Variants in FAT1 observed in about 807,000 individuals in gnomAD.
FAT1 encodes the protein FAT atypical cadherin 1.
Under a neutral mutation model 329.8 loss-of-function variants are expected in FAT1, and 171 were observed. The observed-to-expected ratio is 0.52, with a 90% CI of 0.46 to 0.59. The LOEUF (loss-of-function observed/expected upper bound fraction) is 0.59. FAT1 is among the 20% of genes least tolerant of loss of function. FAT1 has a pLI of 0.00. For synonymous variants in FAT1, 2,233 were observed against 2,228.6 expected, an observed-to-expected ratio of 1.00 and a Z score of -0.06; for missense variants, 5,672 against 5,774.4, an observed-to-expected ratio of 0.98 and a Z score of 0.57.
At chr4:186,597,428 C>G (rs947869673) in intron 24 of FAT1, among the ~76,000 whole-genome samples, 3 of 152,002 alleles carry the variant, frequency 2.0e-5, no homozygotes, top group African/African-American at 7.2e-5. Flanking sequence ...TGGCCATTTT[C>G]CTAGGATCAA....
At chr4:186,657,949 T>G (rs907027652) in intron 3 of FAT1, among the ~76,000 whole-genome samples, 1 of 152,200 alleles carries the variant, frequency 6.6e-6, no homozygotes, top group Non-Finnish European at 1.5e-5. Flanking sequence ...TGTTTGGGAC[T>G]CCCTTTCTTC....
Position 186,611,427 on chromosome 4 carries a change from CTTA to C in FAT1, c.9809_9811del (p.Ile3270del). ...GCTGAATTTCCCATGTTCATTTCCA[CTTA>C]TTATTGAGTAGGTGATTTCTGCATT... On this transcript the variant is annotated inframe_deletion, in exon 14 of 27. Transcript: ENST00000441802. 1 of 1,613,732 alleles carries C rather than the reference CTTA, an allele frequency of 6.2e-7. No individual in the cohort carries two copies. The highest frequency in any genetic ancestry group is 1.3e-5 in the African/African-American group (1 of 75,040).
chr4:186,663,162 G>T, intron 3 of FAT1, 137 bp downstream of exon 3: 1 of 777,132 alleles, frequency 1.3e-6, no homozygotes, highest in Non-Finnish European at 2.0e-6. Flanking sequence ...CAAAATAAAG[G>T]CTTATTTTGA....
chr4:186,605,285 T>C (rs1399544752), intron 17 of FAT1, among the ~76,000 whole-genome samples: 1 of 63,130 alleles, frequency 1.6e-5, no homozygotes, highest in Admixed American at 1.6e-4. Context: ...AGAGAAGAGG[T>C]TGACAAGAGG....
intron 11 of FAT1, among the ~76,000 whole-genome samples, chr4:186,616,191 ACTCGT>A (rs1739701695): frequency 6.6e-6 from 1 of 151,506 alleles, no homozygotes; most frequent in Non-Finnish European, 1.5e-5. Flanking sequence ...AAGCTTAAGA[ACTCGT>A]CTCATGTCAT....
Position 186,707,812 on chromosome 4 carries a change from C to T in FAT1, c.2016G>A (p.Leu672=), listed in dbSNP as rs1352963831. The T allele has an allele frequency of 1.2e-6, 2 of 1,613,702 alleles. No homozygotes were observed. The highest frequency in any genetic ancestry group is 1.7e-6 in the Non-Finnish European group (2 of 1,179,890). ...TGGCAACACCAGTCTCTTCACACTGCAAGTTTACCAGCTTGTGACTGGCAG... is the reference window on the plus strand; with the variant it reads ...TGGCAACACCAGTCTCTTCACACTGTAAGTTTACCAGCTTGTGACTGGCAG... ...TVAASHKLVN[L]QCEETGVAKM... is the part of the protein sequence containing the mutation. The change falls in exon 2 of 27, where the codon TTG becomes TTA. Residue 672 remains leucine, a synonymous_variant. Coordinates refer to ENST00000441802, the MANE Select transcript of FAT1 (RefSeq NM_005245.4).
intron 22 of FAT1, 100 bp downstream of exon 22, chr4:186,599,798 T>A (rs1302771731): frequency 1.1e-6 from 1 of 924,698 alleles, no homozygotes; most frequent in African/African-American, 1.7e-5. Context: ...GACAAAATTA[T>A]CTGAATCAAA....
Position 186,706,588 on chromosome 4 carries a change from A to G in FAT1, c.3240T>C (p.Gly1080=). Residue 1080 remains glycine, a synonymous_variant, in exon 2 of 27, where the codon GGT becomes GGC. Transcript: ENST00000441802. ...RYSIRDGSGV[G]VFKIGEETGV... The stretch of plus-strand genomic sequence containing the variant: ...CTGTCTCTTCACCTATTTTGAAAAC[A>G]CCAACGCCAGAGCCATCTCTAATGG... 1.2e-6 allele frequency: 2 copies of G among 1,610,764 alleles called. No individual in the cohort carries two copies. The highest frequency in any genetic ancestry group is 1.1e-5 in the South Asian group (1 of 90,960).
At position 186,618,306 on chromosome 4, in the gene FAT1, C is replaced by T. The variant is rs772858156; in HGVS notation, c.8280G>A (p.Leu2760=). 2.2e-5 allele frequency: 35 copies of T among 1,614,064 alleles called. No individual in the cohort carries two copies. The South Asian group carries it at 3.3e-4, about 15-fold the overall frequency. The change falls in exon 10 of 27, where the codon CTG becomes CTA. Residue 2760 remains leucine (L), a synonymous_variant. Coordinates refer to ENST00000441802, the MANE Select transcript of FAT1 (RefSeq NM_005245.4). ...SFVIDRQSGR[L]KLEKSLDHET... is the part of the protein sequence containing the mutation. ...CATGATCAAGACTCTTCTCCAACTT[C>T]AGTCTCCCGCTCTGTCTGTCAATCA...
intron 26 of FAT1, among the ~76,000 whole-genome samples, chr4:186,591,439 T>C (rs1396018292): frequency 1.3e-5 from 2 of 152,228 alleles, no homozygotes; most frequent in Non-Finnish European, 2.9e-5. Flanking sequence ...CATTTTTAAG[T>C]CTAGTAACAA....
intron 9 of FAT1, among the ~76,000 whole-genome samples, chr4:186,627,206 G>C (rs1283009263): frequency 9.2e-6 from 1 of 108,896 alleles, no homozygotes; most frequent in Non-Finnish European, 1.9e-5. Flanking sequence ...CATGGCACCT[G>C]GCACATAAAG....
chr4:186,629,602 C>T (rs1227280692), intron 7 of FAT1, among the ~76,000 whole-genome samples: 3 of 152,162 alleles, frequency 2.0e-5, no homozygotes, highest in African/African-American at 7.2e-5. Flanking sequence ...TTCGTGGGGG[C>T]ATATGGAACA....
At chr4:186,693,826 A>G (rs2126664053) in intron 2 of FAT1, among the ~76,000 whole-genome samples, 1 of 152,284 alleles carries the variant, frequency 6.6e-6, no homozygotes, top group East Asian at 1.9e-4. Context: ...TCAGCTCTGG[A>G]TTTGCCTACA....
intron 4 of FAT1, among the ~76,000 whole-genome samples, chr4:186,637,269 T>A (rs574051999): frequency 6.6e-6 from 1 of 152,238 alleles, no homozygotes; most frequent in East Asian, 1.9e-4. Context: ...ATGGAAGAGA[T>A]ACGTGAAGAT....
At chr4:186,595,089 G>A (rs1738436030) in intron 26 of FAT1, among the ~76,000 whole-genome samples, 2 of 152,052 alleles carry the variant, frequency 1.3e-5, no homozygotes, top group Admixed American at 1.3e-4. Context: ...CATAACTGGT[G>A]GCAAAGATCC....
rs748807574 is a variant in FAT1 at position 186,707,144 on chromosome 4, A to T, written c.2684T>A (p.Ile895Asn). The T allele has an allele frequency of 6.2e-7, 1 of 1,613,916 alleles. No homozygotes were observed. Among genetic ancestry groups the T allele is most frequent in the Non-Finnish European group, 8.5e-7 (1 of 1,179,862 alleles). ...RELQHEHSLKIEARDQAREEP... is the reference protein window; with the variant it reads ...RELQHEHSLKNEARDQAREEP... ...TTCTCTGGCTTGGTCCCTGGCCTCA[A>T]TCTTTAAGGAGTGCTCATGCTGCAG... The change falls in exon 2 of 27, where the codon ATT (isoleucine) becomes AAT (asparagine). Residue 895 changes from isoleucine to asparagine, a missense_variant. Ile to Asn is a moderately radical substitution (Grantham distance 149). Coordinates refer to ENST00000441802, the MANE Select transcript of FAT1 (RefSeq NM_005245.4).
rs926818765 is a variant in FAT1 at position 186,604,082 on chromosome 4, T to C, written c.10549-105A>G. The stretch of plus-strand genomic sequence containing the variant: ...AAGTTCCCAAAAAATTACTAACTGG[T>C]AGATACTCATTTCTCCACACAAGAA... On this transcript the variant is annotated intron_variant, in intron 18 of 26. Transcript: ENST00000441802. 2.0e-5 allele frequency: 17 copies of C among 839,388 alleles called. No individual in the cohort carries two copies. In the Admixed American group the frequency reaches 4.4e-4, roughly 22 times the overall value. 52.0% of individuals were successfully genotyped at this position (839,388 alleles called of 1,614,324 possible).
chr4:186,710,603 CCTCT>C (rs769297919), intron 1 of FAT1, among the ~76,000 whole-genome samples: 12 of 152,134 alleles, frequency 7.9e-5, no homozygotes, highest in Non-Finnish European at 1.6e-4. Context: ...CAGCATTTTT[CCTCT>C]CTAAGTCAGT....
chr4:186,631,261 T>A (rs1012412066), intron 7 of FAT1, among the ~76,000 whole-genome samples: 8 of 151,806 alleles, frequency 5.3e-5, no homozygotes, highest in African/African-American at 1.9e-4. Context: ...CCCCGCAGTA[T>A]CCTAGTGTCT....
Sources: gnomAD v4.1 joint callset for allele counts (sites outside exome capture counted in the v4.1 genomes callset) on GRCh38, gnomAD v4.1.1 for gene constraint, MANE v1.5 for transcripts, NCBI Gene and HGNC (gene_info 2026-07-23, HGNC 2026-07-21) for gene names.